The following C2CD5 variants were observed in gnomAD, a reference collection of about 807,000 sequenced individuals.
C2CD5 encodes C2 domain-containing protein 5.
Under a neutral mutation model 130.3 loss-of-function variants are expected in C2CD5, and 109 were observed. That is an observed-to-expected ratio of 0.84 (90% confidence interval 0.72 to 0.98). The LOEUF is 0.98. C2CD5 is among the 50% of genes least tolerant of loss of function. C2CD5 has a pLI of 0.00. For missense variants in C2CD5, 996 were observed against 1,261.8 expected, an observed-to-expected ratio of 0.79 and a Z score of 3.19; for synonymous variants, 454 against 429.2, an observed-to-expected ratio of 1.06 and a Z score of -0.71.
chr12:22,452,154 G>T (rs922745398), intron 26 of C2CD5, among the ~76,000 whole-genome samples: 3 of 152,086 alleles, frequency 2.0e-5, no homozygotes, highest in Non-Finnish European at 2.9e-5. Context: ...AGCAAAAAAG[G>T]ATTCTTAAAG....
At chr12:22,541,587 A>G (rs1490866562) in intron 2 of C2CD5, among the ~76,000 whole-genome samples, 1 of 152,126 alleles carries the variant, frequency 6.6e-6, no homozygotes, top group Non-Finnish European at 1.5e-5. Flanking sequence ...TCTCTACATG[A>G]GATCTCCGGG....
intron 10 of C2CD5, among the ~76,000 whole-genome samples, chr12:22,502,979 T>C (rs1021101959): frequency 1.5e-4 from 23 of 152,208 alleles, no homozygotes; most frequent in African/African-American, 5.5e-4. Context: ...GAGCATGCTA[T>C]AGTAATCTAA....
intron 2 of C2CD5, among the ~76,000 whole-genome samples, chr12:22,539,968 G>C (rs1443553939): frequency 6.7e-6 from 1 of 150,124 alleles, no homozygotes; most frequent in African/African-American, 2.5e-5. Flanking sequence ...CTCCAACCTG[G>C]GCAACAAGAG....
intron 8 of C2CD5, among the ~76,000 whole-genome samples, chr12:22,517,078 C>A (rs1479574805): frequency 1.3e-5 from 2 of 151,860 alleles, no homozygotes; most frequent in African/African-American, 4.8e-5. Flanking sequence ...AGTAGCACTG[C>A]TTTGGATTTA....
chr12:22,525,164 T>G (rs1950616987), intron 5 of C2CD5, among the ~76,000 whole-genome samples: 1 of 152,112 alleles, frequency 6.6e-6, no homozygotes, highest in Non-Finnish European at 1.5e-5. Context: ...TCTCTTAAAA[T>G]AAACATTGGT....
At chr12:22,453,759 A>G in intron 26 of C2CD5, 137 bp downstream of exon 26, 1 of 708,774 alleles carries the variant, frequency 1.4e-6, no homozygotes, top group South Asian at 1.8e-5. Flanking sequence ...GTTATGAATA[A>G]ACTCATTAAA....
intron 15 of C2CD5, 134 bp from the exon 16 acceptor site, chr12:22,475,025 T>C (rs1347705935): frequency 1.9e-6 from 1 of 513,252 alleles, no homozygotes; most frequent in Non-Finnish European, 3.2e-6. Context: ...CGTACTTAAG[T>C]ATAACCTTTA....
At chr12:22,486,200 A>C (rs893418472) in intron 12 of C2CD5, among the ~76,000 whole-genome samples, 20 of 151,612 alleles carry the variant, frequency 1.3e-4, no homozygotes, top group South Asian at 4.2e-4. Flanking sequence ...AAAAAAAAAA[A>C]AAAACACTGC....
chr12:22,489,196 A>G (rs1946013162), intron 12 of C2CD5, among the ~76,000 whole-genome samples: 2 of 151,914 alleles, frequency 1.3e-5, no homozygotes, highest in South Asian at 4.2e-4. Context: ...TTCTTAATAT[A>G]TACTTAATAT....
chr12:22,463,242 T>C (rs1358631483), intron 22 of C2CD5: 1 of 150,890 alleles, frequency 6.6e-6, no homozygotes, highest in East Asian at 2.0e-4. Flanking sequence ...CAAAAAAAAA[T>C]TAGCCAGGCA....
Position 22,449,897 on chromosome 12 carries a change from A to T in C2CD5, c.3025-6T>A. 6.2e-7 allele frequency: 1 copy of T among 1,602,588 alleles called. No individual in the cohort carries two copies. The highest frequency in any genetic ancestry group is 1.1e-5 in the South Asian group (1 of 90,162). On this transcript the variant is annotated splice_polypyrimidine_tract_variant and splice_region_variant and intron_variant, in intron 26 of 26. Transcript: ENST00000446597. ...ACATTTATAAGACACTGTGCCTATA[A>T]GAACAACAAACAGGACAGGTTCAGT...
intron 17 of C2CD5, 90 bp downstream of exon 17, chr12:22,472,654 T>C: frequency 1.2e-6 from 1 of 835,016 alleles, no homozygotes; most frequent in Non-Finnish European, 2.1e-6. Context: ...TAAGTCCTTC[T>C]TTTAAAGTAA....
intron 2 of C2CD5, among the ~76,000 whole-genome samples, chr12:22,541,391 A>G (rs1952364602): frequency 6.6e-6 from 1 of 152,204 alleles, no homozygotes; most frequent in South Asian, 2.1e-4. Context: ...TCTCCATATA[A>G]CAGTGCTCAT....
intron 3 of C2CD5, among the ~76,000 whole-genome samples, chr12:22,530,107 T>TAG: frequency 9.0e-6 from 1 of 111,582 alleles, no homozygotes; most frequent in Middle Eastern, 4.2e-3. Context: ...TATATATATA[T>TAG]ATATACACAC....
chr12:22,484,636 G>C, intron 13 of C2CD5, 61 bp downstream of exon 13: 1 of 904,716 alleles, frequency 1.1e-6, no homozygotes, highest in East Asian at 2.8e-5. Context: ...TTAAAAATAG[G>C]TTTACGGCTC....
chr12:22,480,597 C>T (rs770882895), intron 14 of C2CD5, among the ~76,000 whole-genome samples: 26 of 152,162 alleles, frequency 1.7e-4, no homozygotes, highest in Admixed American at 9.8e-4. Flanking sequence ...CCATCAAAAA[C>T]GTTTGTTATA....
chr12:22,525,747 G>A (rs766423029), intron 4 of C2CD5, 42 bp from the exon 5 acceptor site: 5 of 896,082 alleles, frequency 5.6e-6, no homozygotes, highest in South Asian at 2.7e-5. Flanking sequence ...CCTTAAGAAA[G>A]TAATGTACAA....
At chr12:22,528,747 C>T (rs941644721) in intron 3 of C2CD5, among the ~76,000 whole-genome samples, 1 of 152,132 alleles carries the variant, frequency 6.6e-6, no homozygotes, top group Non-Finnish European at 1.5e-5. Flanking sequence ...TGGCTAAAAT[C>T]TCTGTATCAT....
chr12:22,459,496 C>G lies in C2CD5; in HGVS notation c.2580G>C (p.Gln860His), dbSNP rs1940668461. ...TGCTTAATTAGACAAACTCACCTCT[C>G]TGTGCAGCTGGTATACCTGAGTTAG... ...ASSNSGIPAA[Q>H]RATSVDYSSF... The change falls in exon 23 of 27, where the codon CAG becomes CAC. Residue 860 changes from glutamine to histidine, a missense_variant. Physicochemically the swap from Gln to His is conservative, Grantham distance 24. This residue lies in a region of C2CD5 where 590 missense variants were observed against 631.4 expected (regional missense o/e 0.93). Coordinates refer to ENST00000446597, the MANE Select transcript of C2CD5 (RefSeq NM_001286176.2). The G allele has an allele frequency of 2.6e-6, 4 of 1,529,922 alleles. No individual in the cohort carries two copies. The highest frequency in any genetic ancestry group is 3.5e-6 in the Non-Finnish European group (4 of 1,141,430). 94.8% of individuals were successfully genotyped at this position (1,529,922 alleles called of 1,614,324 possible).
Sources: allele counts gnomAD v4.1 joint callset (sites outside exome capture counted in the v4.1 genomes callset), GRCh38; gene constraint gnomAD v4.1.1; regional missense constraint gnomAD v4.1.1; transcripts MANE v1.5; gene names NCBI Gene and HGNC (gene_info 2026-07-23, HGNC 2026-07-21).